FUT8: variants seen among roughly 807,000 people sequenced by gnomAD.
FUT8 encodes the protein fucosyltransferase 8.
In FUT8, 29 loss-of-function variants were observed where a neutral mutation model predicts 71.3. The ratio of observed to expected loss-of-function variants is 0.41; its 90% CI spans 0.30 to 0.55. FUT8 has a LOEUF of 0.55. Among genes scored for constraint, FUT8 ranks in the 20% least tolerant of loss-of-function variants. FUT8 has a pLI of 0.34. For synonymous variants in FUT8, 254 were observed against 239.3 expected, an observed-to-expected ratio of 1.06 and a Z score of -0.57; for missense variants, 544 against 702.1, an observed-to-expected ratio of 0.77 and a Z score of 2.55.
chr14:65,433,398 G>T (rs2065505841), intron 1 of FUT8, among the ~76,000 whole-genome samples: 1 of 152,204 alleles, frequency 6.6e-6, no homozygotes, highest in South Asian at 2.1e-4. Context: ...CTGAAGAAAG[G>T]CTTATTAGGA....
intron 2 of FUT8, among the ~76,000 whole-genome samples, chr14:65,498,505 C>CT (rs199718677): frequency 0.015 from 2,283 of 151,008 alleles, 18 homozygotes; most frequent in South Asian, 0.024. Context: ...GTATTGTATG[C>CT]TTTTTTTTTG....
At position 65,607,204 on chromosome 14, in the gene FUT8, C is replaced by T. The variant is rs1888632316; in HGVS notation, c.204-8774C>T. Among the ~76,000 whole-genome samples the T allele has an allele frequency of 6.6e-6, 1 of 151,820 alleles. No homozygotes were observed. Among genetic ancestry groups the T allele is most frequent in the African/African-American group, 2.4e-5 (1 of 41,398 alleles). ...TAAGTCTTACTTCTTTATCTTATTA[C>T]CTCAGCTAAGGCCTTCAGTACAGTG... On this transcript the variant is annotated intron_variant, in intron 3 of 10. Transcript: ENST00000673929. The surrounding 1 kb of genome is among the most constrained non-coding windows in gnomAD (Gnocchi z 4.1).
intron 2 of FUT8, among the ~76,000 whole-genome samples, chr14:65,548,238 C>T (rs1041618972): frequency 6.6e-6 from 1 of 151,908 alleles, no homozygotes; most frequent in Non-Finnish European, 1.5e-5. Context: ...TAATCATCCC[C>T]TCCTTGTACT....
At chr14:65,432,328 C>T (rs1311763862) in intron 1 of FUT8, among the ~76,000 whole-genome samples, 2 of 151,938 alleles carry the variant, frequency 1.3e-5, no homozygotes, top group Non-Finnish European at 2.9e-5. Flanking sequence ...AATTGTCATG[C>T]TGTCATGCTT....
At chr14:65,406,233 C>T (rs1329215729), upstream of FUT8, among the ~76,000 whole-genome samples, 1 of 152,182 alleles carries the variant, frequency 6.6e-6, no homozygotes, top group Non-Finnish European at 1.5e-5. Flanking sequence ...GTACTAAGTG[C>T]TTTTTGTATG....
At chr14:65,567,697 A>G (rs1886268465) in intron 3 of FUT8, among the ~76,000 whole-genome samples, 2 of 151,914 alleles carry the variant, frequency 1.3e-5, no homozygotes, top group Non-Finnish European at 2.9e-5. Flanking sequence ...TATTTTTAAG[A>G]TATAATGAAA....
the FUT8 span, among the ~76,000 whole-genome samples, chr14:65,391,539 A>G: frequency 0.13 from 20,412 of 152,154 alleles, 2,017 homozygotes; most frequent in East Asian, 0.54. Context: ...TGTTTTTAGG[A>G]GAGACGGGGT....
intron 6 of FUT8, among the ~76,000 whole-genome samples, chr14:65,651,918 TA>T (rs1237876888): frequency 1.3e-5 from 2 of 152,208 alleles, no homozygotes; most frequent in African/African-American, 4.8e-5. Flanking sequence ...AACATCTTCA[TA>T]TTTGTATCAT....
intron 2 of FUT8, among the ~76,000 whole-genome samples, chr14:65,460,431 C>G (rs2065954291): frequency 6.6e-6 from 1 of 152,182 alleles, no homozygotes; most frequent in Non-Finnish European, 1.5e-5. Flanking sequence ...TTTCATTAAG[C>G]TCAGGTTTTC....
intron 2 of FUT8, among the ~76,000 whole-genome samples, chr14:65,476,681 G>A (rs1318987969): frequency 7.8e-6 from 1 of 128,674 alleles, no homozygotes; most frequent in Admixed American, 8.7e-5. Context: ...TGGCGACAGG[G>A]TTTTGCTGTA....
chr14:65,633,199 T>C (rs553925647), intron 6 of FUT8, among the ~76,000 whole-genome samples: 173 of 152,268 alleles, frequency 1.1e-3, no homozygotes, highest in African/African-American at 3.8e-3. Flanking sequence ...TCGTATTTTT[T>C]TGGTGGAGAC....
intron 2 of FUT8, among the ~76,000 whole-genome samples, chr14:65,469,615 G>A (rs148495075): frequency 6.2e-4 from 95 of 152,334 alleles, no homozygotes; most frequent in African/African-American, 2.2e-3. Context: ...ACAGCTCAGA[G>A]GAGAGCTGCA....
intron 7 of FUT8, among the ~76,000 whole-genome samples, chr14:65,692,378 C>G (rs1781374870): frequency 6.7e-6 from 1 of 148,354 alleles, no homozygotes; most frequent in Non-Finnish European, 1.5e-5. Flanking sequence ...CACCTCCCTC[C>G]CGGACGGGGC....
At chr14:65,399,100 C>T in the FUT8 span, among the ~76,000 whole-genome samples, 1 of 152,118 alleles carries the variant, frequency 6.6e-6, no homozygotes, top group Non-Finnish European at 1.5e-5. Context: ...GGGTGGATCA[C>T]GAGGTCAGGA....
chr14:65,406,097 G>T (rs2065088005), upstream of FUT8, among the ~76,000 whole-genome samples: 1 of 152,174 alleles, frequency 6.6e-6, no homozygotes, highest in African/African-American at 2.4e-5. Context: ...ACAGGTCGAT[G>T]GTCTGAATTA....
chr14:65,692,316 C>T (rs1276810244), intron 7 of FUT8, among the ~76,000 whole-genome samples: 2 of 147,648 alleles, frequency 1.4e-5, no homozygotes, highest in Admixed American at 6.7e-5. Context: ...CAGGCAGAGG[C>T]GCCCCTCACC....
the FUT8 span, among the ~76,000 whole-genome samples, chr14:65,395,035 C>G: frequency 6.6e-6 from 1 of 152,236 alleles, no homozygotes; most frequent in African/African-American, 2.4e-5. Context: ...AGCCACCACG[C>G]CCAGCTACAG....
At chr14:65,439,954 G>GTGTATATATATATATA in intron 1 of FUT8, among the ~76,000 whole-genome samples, 127 of 74,904 alleles carry the variant, frequency 1.7e-3, no homozygotes, top group East Asian at 4.3e-3. Flanking sequence ...GTGTGTGTGT[G>GTGTATATATATATATA]TATATATATA....
intron 7 of FUT8, among the ~76,000 whole-genome samples, chr14:65,688,370 TG>T (rs1893403901): frequency 1.3e-5 from 2 of 152,206 alleles, no homozygotes; most frequent in African/African-American, 2.4e-5. Context: ...GACTGGCTTT[TG>T]TTTTTTTTAA....
Sources: allele counts gnomAD v4.1 joint callset (sites outside exome capture counted in the v4.1 genomes callset), GRCh38; gene constraint gnomAD v4.1.1; non-coding constraint Gnocchi (gnomAD v3.1); transcripts MANE v1.5; gene names NCBI Gene and HGNC (gene_info 2026-07-23, HGNC 2026-07-21).